The following MAPK6 variants were observed in gnomAD, a reference collection of about 807,000 sequenced individuals.
MAPK6 encodes the protein mitogen-activated protein kinase 6, also known as ERK-3.
In MAPK6, 19 loss-of-function variants were observed where a neutral mutation model predicts 59.3. The ratio of observed to expected loss-of-function variants is 0.32; its 90% CI spans 0.22 to 0.47. The LOEUF (loss-of-function observed/expected upper bound fraction) is 0.47, where lower values mean the gene tolerates loss of function less well. Among genes scored for constraint, MAPK6 ranks in the 20% least tolerant of loss-of-function variants. The probability of loss-of-function intolerance (pLI) is 1.00; values close to 1 mark genes in which losing one functional copy is unlikely to be tolerated. For missense variants in MAPK6, 724 were observed against 847.9 expected, an observed-to-expected ratio of 0.85 and a Z score of 1.81; for synonymous variants, 316 against 290.3, an observed-to-expected ratio of 1.09 and a Z score of -0.90.
chr15:52,021,601 G>A (rs1271011853), intron 1 of MAPK6: 1 of 152,152 alleles, frequency 6.6e-6, no homozygotes, highest in African/African-American at 2.4e-5. Context: ...GAAATTAAAT[G>A]TTTGATACTA....
chr15:51,993,001 T>G (rs1041332928), intron 2 of MAPK6, among the ~76,000 whole-genome samples: 2 of 152,134 alleles, frequency 1.3e-5, no homozygotes, highest in African/African-American at 2.4e-5. Flanking sequence ...CATCAGTCTT[T>G]GCTGGTCAGC....
At chr15:52,024,878 C>CTT (rs35983896) in intron 1 of MAPK6, among the ~76,000 whole-genome samples, 14,523 of 84,042 alleles carry the variant, frequency 0.17, 1,916 homozygotes, top group Middle Eastern at 0.36. Context: ...CATACACTGC[C>CTT]TTTTTTTTTT....
chr15:52,016,070 G>GCGCGCACACACACACACA, upstream of MAPK6, among the ~76,000 whole-genome samples: 6 of 55,442 alleles, frequency 1.1e-4, no homozygotes, highest in Non-Finnish European at 2.0e-4. Context: ...GCGCGCGCGC[G>GCGCGCACACACACACACA]CACACACACA....
At chr15:52,049,911 C>A (rs1297157034) in intron 2 of MAPK6, 82 bp from the exon 3 acceptor site, 10 of 1,313,186 alleles carry the variant, frequency 7.6e-6, no homozygotes, top group Non-Finnish European at 1.1e-5. Flanking sequence ...CCACGCCTGG[C>A]AAATTAAGGA....
intron 2 of MAPK6, among the ~76,000 whole-genome samples, chr15:51,984,859 T>C (rs1442689389): frequency 6.6e-6 from 1 of 152,196 alleles, no homozygotes; most frequent in East Asian, 1.9e-4. Flanking sequence ...GCTCTATATC[T>C]CTGGGAAGTG....
At chr15:52,023,714 C>T (rs528565228) in intron 1 of MAPK6, among the ~76,000 whole-genome samples, 128 of 152,346 alleles carry the variant, frequency 8.4e-4, no homozygotes, top group African/African-American at 3.1e-3. Flanking sequence ...TAGGTTCAAG[C>T]GATTCTTCAG....
At chr15:52,054,290 C>G (rs1232701179) in intron 3 of MAPK6, among the ~76,000 whole-genome samples, 9 of 143,824 alleles carry the variant, frequency 6.3e-5, no homozygotes, top group Admixed American at 5.5e-4. Context: ...ATTGCTTGAA[C>G]CTGGGAGGTG....
chr15:51,976,463 G>A (rs1196255662), intron 1 of MAPK6, among the ~76,000 whole-genome samples: 3 of 151,320 alleles, frequency 2.0e-5, no homozygotes, highest in African/African-American at 7.3e-5. Context: ...ACTCAAACAA[G>A]AACATTGACC....
chr15:52,044,891 C>G (rs1438215848), intron 1 of MAPK6, among the ~76,000 whole-genome samples: 1 of 147,494 alleles, frequency 6.8e-6, no homozygotes, highest in Non-Finnish European at 1.5e-5. Flanking sequence ...TCCGGGTAAT[C>G]ATTATGAATT....
chr15:52,019,515 T>A (rs984021814), intron 1 of MAPK6, 139 bp downstream of exon 1: 16 of 146,696 alleles, frequency 1.1e-4, no homozygotes, highest in African/African-American at 3.7e-4. Flanking sequence ...CTCCGGCGGC[T>A]GCCGCTCAAC....
Position 52,064,586 on chromosome 15 carries a change from A to C in MAPK6, c.1752A>C (p.Gln584His). The change falls in exon 6 of 6, where the codon CAA (glutamine) becomes CAC (histidine). Residue 584 changes from glutamine (Q) to histidine (H), a missense_variant. Around this residue, in one of 4 missense-constraint regions of MAPK6, gnomAD observed 502 missense variants for 507.6 expected, o/e 0.99. Transcript: ENST00000261845. ...KQEKGMANLA[Q>H]LEALYQSSWD... The stretch of plus-strand genomic sequence containing the variant: ...AAAAAGGAATGGCAAATCTGGCTCA[A>C]TTAGAAGCCTTGTACCAGTCTTCTT... 1 of 1,611,886 alleles carries C rather than the reference A, an allele frequency of 6.2e-7. No individual in the cohort carries two copies. The highest frequency in any genetic ancestry group is 8.5e-7 in the Non-Finnish European group (1 of 1,179,784).
intron 2 of MAPK6, among the ~76,000 whole-genome samples, chr15:52,048,566 C>T (rs892944315): frequency 6.6e-6 from 1 of 152,168 alleles, no homozygotes; most frequent in Non-Finnish European, 1.5e-5. Context: ...TGAGATTGCG[C>T]CAATGCACTC....
intron 2 of MAPK6, among the ~76,000 whole-genome samples, chr15:51,984,880 A>G (rs1321724268): frequency 6.6e-6 from 1 of 152,178 alleles, no homozygotes; most frequent in Non-Finnish European, 1.5e-5. Context: ...AGATTATGGG[A>G]AGACTGTCAT....
chr15:52,038,822 A>G (rs1487672364), intron 1 of MAPK6, among the ~76,000 whole-genome samples: 4 of 152,226 alleles, frequency 2.6e-5, no homozygotes, highest in Non-Finnish European at 1.5e-5. Flanking sequence ...AGAAGGGATT[A>G]TATTTGTTTA....
At chr15:52,058,829 ATGCCTGTGTG>A in intron 4 of MAPK6, 32 bp downstream of exon 4, 3 of 1,568,582 alleles carry the variant, frequency 1.9e-6, no homozygotes, top group Non-Finnish European at 2.6e-6. Context: ...CCTCACGTTA[ATGCCTGTGTG>A]TGAGGCAGAA....
At chr15:52,015,570 C>T (rs1415687183), upstream of MAPK6, among the ~76,000 whole-genome samples, 8 of 147,368 alleles carry the variant, frequency 5.4e-5, no homozygotes, top group Non-Finnish European at 9.0e-5. Flanking sequence ...CTCCGCCTCC[C>T]GGGTTCAAGC....
At chr15:52,060,449 C>T (rs550743281) in intron 4 of MAPK6, among the ~76,000 whole-genome samples, 1 of 152,122 alleles carries the variant, frequency 6.6e-6, no homozygotes, top group African/African-American at 2.4e-5. Context: ...GGCCAGATAG[C>T]AAAGGTCACA....
chr15:52,018,299 G>C (rs2030339672), upstream of MAPK6, among the ~76,000 whole-genome samples: 1 of 152,174 alleles, frequency 6.6e-6, no homozygotes. Flanking sequence ...AAAGTGCTAG[G>C]ATTACAGGCG....
At chr15:52,043,535 G>T (rs573397719) in intron 1 of MAPK6, among the ~76,000 whole-genome samples, 79 of 151,964 alleles carry the variant, frequency 5.2e-4, no homozygotes, top group African/African-American at 1.8e-3. Flanking sequence ...GACCTGAGGA[G>T]ATCCACCTGC....
Sources: gnomAD v4.1 joint callset for allele counts (sites outside exome capture counted in the v4.1 genomes callset) on GRCh38, gnomAD v4.1.1 for gene constraint, gnomAD v4.1.1 regional missense constraint, MANE v1.5 for transcripts, NCBI Gene and HGNC (gene_info 2026-07-23, HGNC 2026-07-21) for gene names.